The following ABHD12B variants were observed in gnomAD, a reference collection of about 807,000 sequenced individuals.
The protein encoded by ABHD12B is protein ABHD12B.
In ABHD12B, 42 loss-of-function variants were observed where a neutral mutation model predicts 50.4. The ratio of observed to expected loss-of-function variants is 0.83; its 90% CI spans 0.65 to 1.08. ABHD12B has a LOEUF of 1.08. ABHD12B is among the 50% of genes least tolerant of loss of function. The pLI is 0.00. For synonymous variants in ABHD12B, 167 were observed against 160.3 expected (o/e 1.04, Z -0.32); for missense variants, 479 against 447.7 (o/e 1.07, Z -0.63).
chr14:50,898,993 G>C (rs1332138254), intron 9 of ABHD12B, among the ~76,000 whole-genome samples: 1 of 152,220 alleles, frequency 6.6e-6, no homozygotes, highest in Non-Finnish European at 1.5e-5. Flanking sequence ...AGGAGTTCAA[G>C]ACCAGCCTGG....
At chr14:50,897,339 G>T (rs1429939857) in intron 9 of ABHD12B, among the ~76,000 whole-genome samples, 1 of 152,190 alleles carries the variant, frequency 6.6e-6, no homozygotes, top group Non-Finnish European at 1.5e-5. Flanking sequence ...CTCCCAAACT[G>T]CTGGGATTAC....
intron 4 of ABHD12B, 60 bp from the exon 5 acceptor site, chr14:50,881,536 A>G: frequency 3.3e-6 from 5 of 1,534,374 alleles, no homozygotes; most frequent in Non-Finnish European, 4.4e-6. Flanking sequence ...TTTTTATTGA[A>G]TTTGTTATCA....
chr14:50,903,002 C>A (rs532089187), intron 10 of ABHD12B, among the ~76,000 whole-genome samples: 16 of 151,950 alleles, frequency 1.1e-4, no homozygotes, highest in African/African-American at 3.6e-4. Context: ...GTTTTGTTTT[C>A]TTTTTTAGTC....
intron 11 of ABHD12B, 195 bp from the exon 12 acceptor site, chr14:50,903,879 A>G (rs996453770): frequency 5.2e-6 from 3 of 574,260 alleles, no homozygotes; most frequent in Non-Finnish European, 9.3e-6. Flanking sequence ...TTTTATCAGT[A>G]TTCTATATTA....
At position 50,904,672 on chromosome 14, in the gene ABHD12B, A is replaced by C. The variant is rs2050307862; in HGVS notation, c.*306A>C. The C allele has an allele frequency of 8.6e-6, 4 of 465,222 alleles. No homozygotes were observed. The South Asian group carries it at 1.0e-4, about 12-fold the overall frequency. The allele number at this position is 465,222 out of a possible 1,614,324, so 28.8% of individuals were successfully genotyped here. A position where few individuals can be genotyped will look rare whatever the true frequency, so the allele number is the denominator to read the frequency against. On this transcript the variant is annotated 3_prime_UTR_variant, in exon 13 of 13. Transcript: ENST00000337334. ...TTAAACATTCTGTGGATATTTGTGA[A>C]TAAGGTAGTTGCTATGGTCCGAATA...
At chr14:50,887,629 G>A (rs2142745396) in intron 8 of ABHD12B, among the ~76,000 whole-genome samples, 1 of 152,266 alleles carries the variant, frequency 6.6e-6, no homozygotes, top group East Asian at 1.9e-4. Context: ...GAAATGATTT[G>A]AGGTTTGAAC....
rs148703969 is a variant in ABHD12B, at chr14:50,903,789, T to C, written c.943-285T>C. On this transcript the variant is annotated intron_variant, in intron 11 of 12. Transcript: ENST00000337334. ...AAATGGAAGACGCAGACTTTTTCCT[T>C]TTAAACAAACTTCTACTAGAGTGGG... 4.1e-3 allele frequency among the ~76,000 whole-genome samples: 629 copies of C among 152,258 alleles called. 5 individuals carry two copies. Among genetic ancestry groups the C allele is most frequent in the African/African-American group, 0.014 (595 of 41,556 alleles).
intron 9 of ABHD12B, among the ~76,000 whole-genome samples, chr14:50,898,376 T>C (rs2050222925): frequency 6.6e-6 from 1 of 152,220 alleles, no homozygotes; most frequent in Non-Finnish European, 1.5e-5. Flanking sequence ...CAGATGTGCA[T>C]GGGCTTGCTG....
chr14:50,881,512 C>G (rs964668742), intron 4 of ABHD12B, 84 bp from the exon 5 acceptor site: 3 of 1,459,878 alleles, frequency 2.1e-6, no homozygotes, highest in African/African-American at 1.4e-5. Flanking sequence ...CAGATACCAG[C>G]AGCACGAGAG....
Position 50,894,926 on chromosome 14 carries a change from T to G in ABHD12B, c.780+6023T>G, listed in dbSNP as rs1263952219. On this transcript the variant is annotated intron_variant, in intron 9 of 12. Coordinates refer to ENST00000337334, the MANE Select transcript of ABHD12B (RefSeq NM_001206673.2). The stretch of plus-strand genomic sequence containing the variant: ...TCCACCCTATAATCTTTTTATCGCC[T>G]CCCCTCCTCACACCTGGTCCTGCTT... Among the ~76,000 whole-genome samples, 3 of 148,924 alleles carry G rather than the reference T, an allele frequency of 2.0e-5. No individual in the cohort carries two copies. The East Asian group carries it at 5.8e-4, about 29-fold the overall frequency.
intron 5 of ABHD12B, among the ~76,000 whole-genome samples, chr14:50,882,761 C>T (rs2049975289): frequency 6.6e-6 from 1 of 151,764 alleles, no homozygotes; most frequent in African/African-American, 2.4e-5. Flanking sequence ...AGGCTGAGAC[C>T]TGGAGTTCAA....
At chr14:50,888,418 G>T (rs1287234189) in intron 8 of ABHD12B, among the ~76,000 whole-genome samples, 2 of 152,056 alleles carry the variant, frequency 1.3e-5, no homozygotes, top group Non-Finnish European at 2.9e-5. Flanking sequence ...TGGCCAGGAT[G>T]GTCTCCATCT....
At chr14:50,894,973 C>T (rs184976232) in intron 9 of ABHD12B, among the ~76,000 whole-genome samples, 83 of 149,510 alleles carry the variant, frequency 5.6e-4, no homozygotes, top group Middle Eastern at 3.4e-3. Flanking sequence ...CCGTGACTAG[C>T]CCTCCCCCAC....
At position 50,904,319 on chromosome 14, in the gene ABHD12B, T is replaced by C; in HGVS notation, c.1062-20T>C. 1 of 1,613,810 alleles carries C rather than the reference T, an allele frequency of 6.2e-7. No individual in the cohort carries two copies. The highest frequency in any genetic ancestry group is 8.5e-7 in the Non-Finnish European group (1 of 1,179,876). ...TAGGTAGGGAAAGGGTGTGAGCTGA[T>C]CTGGGTCCTTTTTCTACAGAGATTT... is the stretch of plus-strand genomic sequence containing the variant. On this transcript the variant is annotated intron_variant, in intron 12 of 12. Transcript: ENST00000337334.
Position 50,880,520 on chromosome 14 carries a change from T to G in ABHD12B, c.404T>G (p.Leu135Arg). ...GACTGTTGCTGGTATGAAGCAGCCC[T>G]TCGTGATGGGAACCCAATTATTGTT... ...GKDCCWYEAALRDGNPIIVYL... is the reference protein window; with the variant it reads ...GKDCCWYEAARRDGNPIIVYL... Residue 135 changes from leucine (L) to arginine (R), a missense_variant, in exon 4 of 13, where the codon CTT becomes CGT. Transcript: ENST00000337334. The G allele has an allele frequency of 6.2e-7, 1 of 1,608,716 alleles. No homozygotes were observed. The highest frequency in any genetic ancestry group is 8.5e-7 in the Non-Finnish European group (1 of 1,177,070).
At position 50,901,998 on chromosome 14, in the gene ABHD12B, T is replaced by A. The variant is rs139264163; in HGVS notation, c.863+87T>A. 7.9e-4 allele frequency: 620 copies of A among 779,962 alleles called. 2 individuals are homozygous for A. The African/African-American group carries it at 9.6e-3, about 12-fold the overall frequency. 48.3% of individuals were successfully genotyped at this position (779,962 alleles called of 1,614,324 possible). On this transcript the variant is annotated intron_variant, in intron 10 of 12. Transcript: ENST00000337334. Reference sequence around the variant, plus strand: ...TCATGTGACTTACTGGATGGTGACATGAGACATCCTGAATATCATTCTTAT... The same window carrying A: ...TCATGTGACTTACTGGATGGTGACAAGAGACATCCTGAATATCATTCTTAT...
At position 50,877,992 on chromosome 14, in the gene ABHD12B, G is replaced by A; in HGVS notation, c.145G>A (p.Ala49Thr). The A allele has an allele frequency of 6.5e-7, 1 of 1,534,974 alleles. No homozygotes were observed. The highest frequency in any genetic ancestry group is 2.4e-5 in the East Asian group (1 of 40,886). ...HSCSMLGRKI[A>T]ALYDSFTSKS... ...CTGTTCAATGCTCGGAAGAAAAATT[G>A]CTGCTCTGTATGACAGCTTTACTAG... The change falls in exon 2 of 13, where the codon GCT becomes ACT. Residue 49 changes from alanine to threonine, a missense_variant. By Grantham distance (58) the Ala-to-Thr change is moderately conservative. Coordinates refer to ENST00000337334, the MANE Select transcript of ABHD12B (RefSeq NM_001206673.2).
chr14:50,878,965 G>A, intron 3 of ABHD12B, 118 bp downstream of exon 3: 1 of 783,472 alleles, frequency 1.3e-6, no homozygotes, highest in Non-Finnish European at 2.2e-6. Context: ...GAGGTACCTG[G>A]AGGCTGTTTC....
At chr14:50,887,740 G>A (rs2050062405) in intron 8 of ABHD12B, among the ~76,000 whole-genome samples, 1 of 152,212 alleles carries the variant, frequency 6.6e-6, no homozygotes, top group Non-Finnish European at 1.5e-5. Flanking sequence ...CTGATCTGAA[G>A]CTGGTCTTCA....
Sources: allele counts gnomAD v4.1 joint callset (sites outside exome capture counted in the v4.1 genomes callset), GRCh38; gene constraint gnomAD v4.1.1; transcripts MANE v1.5; gene names NCBI Gene and HGNC (gene_info 2026-07-23, HGNC 2026-07-21).